ME3: variants seen among roughly 807,000 people sequenced by gnomAD.
ME3 encodes the protein NADP-dependent malic enzyme, mitochondrial.
Under a neutral mutation model 68.9 loss-of-function variants are expected in ME3, and 48 were observed. The ratio of observed to expected loss-of-function variants is 0.70; its 90% CI spans 0.55 to 0.89. The LOEUF is 0.89. ME3 is among the 40% of genes least tolerant of loss of function. The pLI is 0.00. For synonymous variants in ME3, 320 were observed against 318.8 expected, an observed-to-expected ratio of 1.00 and a Z score of -0.04; for missense variants, 675 against 797.4, an observed-to-expected ratio of 0.85 and a Z score of 1.85.
chr11:86,474,615 G>A (rs1484175852), intron 7 of ME3, among the ~76,000 whole-genome samples: 1 of 152,212 alleles, frequency 6.6e-6, no homozygotes, highest in African/African-American at 2.4e-5. Context: ...TTTGTCCTTA[G>A]ATTGTGCATA....
chr11:86,560,726 A>G (rs55965037), intron 2 of ME3, among the ~76,000 whole-genome samples: 2,260 of 105,848 alleles, frequency 0.021, 137 homozygotes, highest in African/African-American at 0.067. Context: ...GTGTGTGTGT[A>G]TGTGTGTGTG....
chr11:86,460,762 A>G (rs879363142), intron 8 of ME3, among the ~76,000 whole-genome samples: 5 of 152,200 alleles, frequency 3.3e-5, no homozygotes, highest in Non-Finnish European at 7.3e-5. Flanking sequence ...CTCTCCCATT[A>G]TGAGCATGGC....
At chr11:86,603,520 T>C (rs562759941) in intron 2 of ME3, among the ~76,000 whole-genome samples, 26 of 152,332 alleles carry the variant, frequency 1.7e-4, no homozygotes, top group Non-Finnish European at 3.1e-4. Flanking sequence ...GTTCAACCCC[T>C]GTGGAAGACA....
intron 2 of ME3, among the ~76,000 whole-genome samples, chr11:86,599,975 T>A (rs1280745741): frequency 6.6e-6 from 1 of 152,146 alleles, no homozygotes; most frequent in Non-Finnish European, 1.5e-5. Flanking sequence ...GCACAACTGG[T>A]ACCAGCCACT....
intron 5 of ME3, among the ~76,000 whole-genome samples, chr11:86,505,226 G>A (rs1297680744): frequency 6.7e-6 from 1 of 149,744 alleles, no homozygotes. Context: ...CTGTGGCTTG[G>A]AAATTCTAAA....
chr11:86,553,181 T>A (rs1350067947), intron 4 of ME3, among the ~76,000 whole-genome samples: 1 of 152,202 alleles, frequency 6.6e-6, no homozygotes, highest in Non-Finnish European at 1.5e-5. Context: ...CTGTGGTGCC[T>A]ATCTGCCCAG....
At chr11:86,565,712 T>A (rs1212063235) in intron 2 of ME3, among the ~76,000 whole-genome samples, 2 of 152,256 alleles carry the variant, frequency 1.3e-5, no homozygotes, top group Non-Finnish European at 2.9e-5. Flanking sequence ...GTTTTAAATA[T>A]AAGCCTTTTA....
chr11:86,558,196 T>G (rs1957027209), intron 3 of ME3, among the ~76,000 whole-genome samples: 1 of 152,204 alleles, frequency 6.6e-6, no homozygotes, highest in South Asian at 2.1e-4. Flanking sequence ...GAGCTTAATA[T>G]CTGTAGGAAA....
At chr11:86,565,349 C>T (rs1208955688) in intron 2 of ME3, among the ~76,000 whole-genome samples, 2 of 152,250 alleles carry the variant, frequency 1.3e-5, no homozygotes, top group South Asian at 4.1e-4. Context: ...CATAGAATTA[C>T]CATATGACCC....
At chr11:86,505,722 G>C (rs1953027720) in intron 5 of ME3, among the ~76,000 whole-genome samples, 1 of 152,220 alleles carries the variant, frequency 6.6e-6, no homozygotes, top group Non-Finnish European at 1.5e-5. Context: ...GCTCAGAGAG[G>C]ATATCTGCAC....
intron 2 of ME3, among the ~76,000 whole-genome samples, chr11:86,625,097 T>C (rs1041766193): frequency 6.6e-4 from 101 of 152,218 alleles, no homozygotes; most frequent in Non-Finnish European, 4.9e-4. Context: ...TAAATATTTT[T>C]CTTTAGTATT....
Position 86,520,417 on chromosome 11 carries a change from G to C in ME3, c.468-11550C>G, listed in dbSNP as rs567135093. Among the ~76,000 whole-genome samples the C allele has an allele frequency of 2.0e-5, 3 of 152,346 alleles. No homozygotes were observed. In the South Asian group the frequency reaches 6.2e-4, roughly 32 times the overall value. On this transcript the variant is annotated intron_variant, in intron 4 of 14. Transcript: ENST00000543262. The stretch of plus-strand genomic sequence containing the variant: ...AGCAAGACTTCATCTCTGATCCAGA[G>C]TGGTTTTCTGATCTAGTCAGATCAG...
intron 4 of ME3, among the ~76,000 whole-genome samples, chr11:86,541,745 C>A (rs566885894): frequency 6.6e-6 from 1 of 152,336 alleles, no homozygotes; most frequent in South Asian, 2.1e-4. Context: ...ACGTTCCTGC[C>A]TGCCGGGTCT....
At chr11:86,536,728 C>A (rs919919815) in intron 4 of ME3, among the ~76,000 whole-genome samples, 1 of 149,504 alleles carries the variant, frequency 6.7e-6, no homozygotes, top group Non-Finnish European at 1.5e-5. Context: ...GTCAGTGTGG[C>A]GATTCCTCAG....
At chr11:86,574,825 C>A (rs2139573094) in intron 2 of ME3, among the ~76,000 whole-genome samples, 1 of 152,278 alleles carries the variant, frequency 6.6e-6, no homozygotes, top group African/African-American at 2.4e-5. Context: ...TTTTTAAAGT[C>A]AAAAAACTCT....
At chr11:86,653,377 A>G (rs1025459585) in intron 2 of ME3, among the ~76,000 whole-genome samples, 79 of 152,202 alleles carry the variant, frequency 5.2e-4, no homozygotes, top group Admixed American at 1.9e-3. Context: ...TAAAAGACAA[A>G]AAATTATAAC....
chr11:86,614,202 A>G (rs569553249), intron 2 of ME3, among the ~76,000 whole-genome samples: 9 of 152,276 alleles, frequency 5.9e-5, no homozygotes, highest in African/African-American at 2.2e-4. Context: ...ACAGAGCTTA[A>G]ATGATTTGCC....
chr11:86,597,955 C>A (rs909932806), intron 2 of ME3, among the ~76,000 whole-genome samples: 2 of 151,986 alleles, frequency 1.3e-5, no homozygotes, highest in African/African-American at 4.8e-5. Flanking sequence ...AAAGAGTTAT[C>A]AGTAGGGAGG....
intron 2 of ME3, among the ~76,000 whole-genome samples, chr11:86,669,345 T>C (rs1391669462): frequency 2.6e-5 from 4 of 152,220 alleles, no homozygotes; most frequent in Admixed American, 1.3e-4. Context: ...CTTAGATTTA[T>C]GGATAACACC....
Sources: gnomAD v4.1 joint callset for allele counts (sites outside exome capture counted in the v4.1 genomes callset) on GRCh38, gnomAD v4.1.1 for gene constraint, MANE v1.5 for transcripts, NCBI Gene and HGNC (gene_info 2026-07-23, HGNC 2026-07-21) for gene names.